DOCK10: variants seen among roughly 807,000 people sequenced by gnomAD.
DOCK10 encodes the protein dedicator of cytokinesis protein 10.
A neutral mutation model predicts 280.1 loss-of-function variants in DOCK10; 145 were observed. The ratio of observed to expected loss-of-function variants is 0.52; its 90% confidence interval spans 0.45 to 0.59. The LOEUF (loss-of-function observed/expected upper bound fraction) is 0.59. Among genes scored for constraint, DOCK10 ranks in the 20% least tolerant of loss-of-function variants. The pLI is 0.00. For missense variants in DOCK10, 2,368 were observed against 2,651.7 expected (o/e 0.89, Z 2.35); for synonymous variants, 915 against 942.2 (o/e 0.97, Z 0.53).
intron 7 of DOCK10, among the ~76,000 whole-genome samples, chr2:224,884,566 G>A (rs573457181): frequency 1.4e-4 from 22 of 152,204 alleles, no homozygotes; most frequent in Non-Finnish European, 2.1e-4. Flanking sequence ...ATGTCCAAAT[G>A]GGGTCTATGG....
chr2:224,983,558 T>G, intron 1 of DOCK10: 1 of 299,582 alleles, frequency 3.3e-6, no homozygotes, highest in Non-Finnish European at 6.7e-6. Context: ...TGAAGGGTGC[T>G]GCAGGAAGTT....
intron 27 of DOCK10, among the ~76,000 whole-genome samples, chr2:224,824,434 T>TTTTC (rs1176255393): frequency 0.011 from 1,617 of 143,312 alleles, 32 homozygotes; most frequent in African/African-American, 0.037. Context: ...CTCTGCTTTT[T>TTTTC]TTTTTTTTTT....
rs7586640 is a variant in DOCK10 at position 224,967,189 on chromosome 2, T to C, written c.124-35521A>G. 3.5e-3 allele frequency among the ~76,000 whole-genome samples: 527 copies of C among 152,128 alleles called. 2 individuals are homozygous for C. Among genetic ancestry groups the C allele is most frequent in the South Asian group, 0.011 (55 of 4,824 alleles). On this transcript the variant is annotated intron_variant, in intron 1 of 55. Transcript: ENST00000258390. The stretch of plus-strand genomic sequence containing the variant: ...CCACCTCCCGGGTTCACGCCATTCT[T>C]CTGCCTCAGCCTCCCGAGTAGTTGG...
intron 1 of DOCK10, among the ~76,000 whole-genome samples, chr2:224,979,678 G>T (rs1313101101): frequency 1.3e-5 from 2 of 152,210 alleles, no homozygotes; most frequent in African/African-American, 4.8e-5. Context: ...TCATTCCCTT[G>T]ACTCCTTAGG....
At chr2:224,935,476 T>C (rs1295209392) in intron 1 of DOCK10, among the ~76,000 whole-genome samples, 1 of 152,206 alleles carries the variant, frequency 6.6e-6, no homozygotes, top group South Asian at 2.1e-4. Flanking sequence ...GTTTTCTATG[T>C]TACGATGCAA....
intron 1 of DOCK10, among the ~76,000 whole-genome samples, chr2:224,932,995 C>A (rs1019824001): frequency 6.6e-6 from 1 of 152,118 alleles, no homozygotes; most frequent in Admixed American, 6.5e-5. Flanking sequence ...CAGCTCACTT[C>A]ACAAATGCTT....
intron 7 of DOCK10, among the ~76,000 whole-genome samples, chr2:224,880,710 A>G (rs912073339): frequency 2.0e-5 from 3 of 152,206 alleles, no homozygotes; most frequent in African/African-American, 7.2e-5. Context: ...CACAATGTTC[A>G]TCTGAAAAAG....
In DOCK10 at chr2:224,876,173, T is replaced by G. The variant is rs745770672; in HGVS notation, c.796A>C (p.Thr266Pro). ...GTTTCAGCTGCCAGCACAAAATAGGTCAGATCATTCATTTTCAATTCAAAG... is the reference window on the plus strand; with the variant it reads ...GTTTCAGCTGCCAGCACAAAATAGGGCAGATCATTCATTTTCAATTCAAAG... Reference protein sequence around the residue: ...YAFELKMNDLTYFVLAAETES... With the variant: ...YAFELKMNDLPYFVLAAETES... Residue 266 changes from threonine to proline, a missense_variant, in exon 8 of 56, where the codon ACC becomes CCC. By Grantham distance (38) the Thr-to-Pro change is conservative (BLOSUM62 -1). Around this residue, in one of 2 missense-constraint regions of DOCK10, gnomAD observed 1,209 missense variants for 1,250.9 expected, o/e 0.97. Coordinates refer to ENST00000258390, the MANE Select transcript of DOCK10 (RefSeq NM_014689.3). 7 of 1,613,676 alleles carry G rather than the reference T, an allele frequency of 4.3e-6. No homozygotes were observed. The highest frequency in any genetic ancestry group is 5.1e-6 in the Non-Finnish European group (6 of 1,179,774).
chr2:224,953,847 A>G (rs11686538), intron 1 of DOCK10, among the ~76,000 whole-genome samples: 37,020 of 152,134 alleles, frequency 0.24, 5,015 homozygotes, highest in South Asian at 0.33. Context: ...TGCTGTGCAC[A>G]TGAGTGAGAA....
chr2:224,846,614 A>G (rs1221546641), intron 19 of DOCK10, among the ~76,000 whole-genome samples: 1 of 151,214 alleles, frequency 6.6e-6, no homozygotes, highest in Non-Finnish European at 1.5e-5. Flanking sequence ...CTCCTGCCTC[A>G]GCCTCCCGAG....
chr2:224,994,624 T>C (rs16866427), intron 1 of DOCK10, among the ~76,000 whole-genome samples: 8,515 of 152,274 alleles, frequency 0.056, 822 homozygotes, highest in African/African-American at 0.19. Flanking sequence ...TGCTAACATA[T>C]GTTGGGAGCT....
intron 1 of DOCK10, among the ~76,000 whole-genome samples, chr2:224,948,814 A>T (rs1247561335): frequency 1.3e-5 from 2 of 152,252 alleles, no homozygotes; most frequent in African/African-American, 4.8e-5. Flanking sequence ...TCACAGTTTT[A>T]GAAGATCAGC....
At chr2:224,965,326 T>C (rs553527099) in intron 1 of DOCK10, among the ~76,000 whole-genome samples, 1 of 152,288 alleles carries the variant, frequency 6.6e-6, no homozygotes, top group Admixed American at 6.5e-5. Flanking sequence ...GTAGGAAAAG[T>C]ACCCGTTTTC....
At chr2:224,827,502 C>G (rs776259978) in intron 27 of DOCK10, among the ~76,000 whole-genome samples, 1 of 152,042 alleles carries the variant, frequency 6.6e-6, no homozygotes, top group Non-Finnish European at 1.5e-5. Flanking sequence ...TGTTTTGTGA[C>G]CTGTCTATAC....
intron 1 of DOCK10, among the ~76,000 whole-genome samples, chr2:225,032,007 T>G (rs1482599521): frequency 1.3e-5 from 2 of 152,164 alleles, no homozygotes; most frequent in Non-Finnish European, 2.9e-5. Flanking sequence ...TCTTCACAGG[T>G]GAAATACAAA....
intron 1 of DOCK10, among the ~76,000 whole-genome samples, chr2:225,019,504 T>G (rs1689728507): frequency 6.6e-6 from 1 of 150,854 alleles, no homozygotes; most frequent in Non-Finnish European, 1.5e-5. Flanking sequence ...TACTTTGGTG[T>G]CCTATGCTCC....
intron 31 of DOCK10, among the ~76,000 whole-genome samples, chr2:224,812,837 C>A (rs1223526743): frequency 6.6e-6 from 1 of 152,080 alleles, no homozygotes; most frequent in Admixed American, 6.6e-5. Flanking sequence ...GGGATGAAGC[C>A]CACTTGATCA....
At chr2:224,842,219 C>T (rs1352581572) in intron 22 of DOCK10, among the ~76,000 whole-genome samples, 7 of 152,144 alleles carry the variant, frequency 4.6e-5, no homozygotes, top group Non-Finnish European at 8.8e-5. Context: ...TTTATCTTCC[C>T]ACTCCTGCTT....
At position 224,885,752 on chromosome 2, in the gene DOCK10, A is replaced by T; in HGVS notation, c.666T>A (p.Ile222=). 6.2e-7 allele frequency: 1 copy of T among 1,613,666 alleles called. No homozygotes were observed. Among genetic ancestry groups the T allele is most frequent in the Non-Finnish European group, 8.5e-7 (1 of 1,179,806 alleles). ...TTTTCTCATCTTTGTAAAAGTTCAT[A>T]ATGTAGGAGTTATCTGGTAACTGAG... ...QLTQLPDNSY[I]MNFYKDEKIS... Residue 222 remains isoleucine (I), a synonymous_variant, in exon 7 of 56, where the codon ATT becomes ATA. Coordinates refer to ENST00000258390, the MANE Select transcript of DOCK10 (RefSeq NM_014689.3).
Sources: gnomAD v4.1 joint callset for allele counts (sites outside exome capture counted in the v4.1 genomes callset) on GRCh38, gnomAD v4.1.1 for gene constraint, gnomAD v4.1.1 regional missense constraint, MANE v1.5 for transcripts, NCBI Gene and HGNC (gene_info 2026-07-23, HGNC 2026-07-21) for gene names.